Variants in KCNQ1 observed in about 807,000 individuals in gnomAD.
KCNQ1 encodes potassium voltage-gated channel subfamily Q member 1.
KCNQ1 carries 49 observed loss-of-function variants against 72.4 expected under a neutral mutation model. The observed-to-expected ratio is 0.68, with a 90% confidence interval of 0.54 to 0.86. The LOEUF is 0.86. Among genes scored for constraint, KCNQ1 ranks in the 40% least tolerant of loss-of-function variants. The probability of loss-of-function intolerance (pLI) is 0.00; values close to 1 mark genes in which losing one functional copy is unlikely to be tolerated. For missense variants in KCNQ1, 790 were observed against 945.1 expected (o/e 0.84, Z 2.15); for synonymous variants, 450 against 412.6 (o/e 1.09, Z -1.10).
rs561945284 is a variant in KCNQ1, at chr11:2,580,929, G to T, written c.922-2506G>T. ...GCTGAGAGGGGCCCTTCTGCAGAGCGGAGGCAGAGCCCGGAGTGGAGGGGT... is the reference window on the plus strand; with the variant it reads ...GCTGAGAGGGGCCCTTCTGCAGAGCTGAGGCAGAGCCCGGAGTGGAGGGGT... On this transcript the variant is annotated intron_variant, in intron 6 of 15. Transcript: ENST00000155840. Among the ~76,000 whole-genome samples the T allele has an allele frequency of 2.0e-5, 3 of 152,224 alleles. No homozygotes were observed. In the East Asian group the frequency reaches 5.8e-4, roughly 29 times the overall value.
intron 11 of KCNQ1, among the ~76,000 whole-genome samples, chr11:2,718,738 A>T (rs567354135): frequency 6.6e-6 from 1 of 152,180 alleles, no homozygotes; most frequent in Non-Finnish European, 1.5e-5. Flanking sequence ...TAAAAGGTTA[A>T]TGTCCACGCT....
At chr11:2,610,201 A>C (rs1182803335) in intron 10 of KCNQ1, 1 of 397,802 alleles carries the variant, frequency 2.5e-6, no homozygotes, top group Non-Finnish European at 4.4e-6. Flanking sequence ...TCTAGGGCTT[A>C]CCTTATGTAT....
In KCNQ1 at chr11:2,715,439, G is replaced by C. The variant is rs999110529; in HGVS notation, c.1514+53358G>C. Reference sequence around the variant, plus strand: ...TTGTTGGCCAGTGTGGGAATGGGGGGAGGCCAGGGAGGACCCCCTGCAGCC... The same window carrying C: ...TTGTTGGCCAGTGTGGGAATGGGGGCAGGCCAGGGAGGACCCCCTGCAGCC... On this transcript the variant is annotated intron_variant, in intron 11 of 15. Coordinates refer to ENST00000155840, the MANE Select transcript of KCNQ1 (RefSeq NM_000218.3). The surrounding 1 kb of genome is among the most constrained non-coding windows in gnomAD (Gnocchi z 4.9). Among the ~76,000 whole-genome samples, 1 of 152,098 alleles carries C rather than the reference G, an allele frequency of 6.6e-6. No individual in the cohort carries two copies. The highest frequency in any genetic ancestry group is 2.4e-5 in the African/African-American group (1 of 41,418).
chr11:2,678,919 G>A lies in KCNQ1; in HGVS notation c.1514+16838G>A. 2.5e-6 allele frequency: 1 copy of A among 398,476 alleles called. No homozygotes were observed. The highest frequency in any genetic ancestry group is 4.4e-6 in the Non-Finnish European group (1 of 226,066). The allele number at this position is 398,476 out of a possible 1,614,324, so 24.7% of individuals were successfully genotyped here. On this transcript the variant is annotated intron_variant, in intron 11 of 15. Coordinates refer to ENST00000155840, the MANE Select transcript of KCNQ1 (RefSeq NM_000218.3). This position sits in a 1 kb window ranked among gnomAD's most constrained non-coding sequence, Gnocchi z 4.9. Reference sequence around the variant, plus strand: ...TATACATGTATGATCATACTTTCAGGGCATCTTGGAAAAACTGAATTTGCT... The same window carrying A: ...TATACATGTATGATCATACTTTCAGAGCATCTTGGAAAAACTGAATTTGCT...
chr11:2,518,394 G>A (rs1847322671), intron 1 of KCNQ1, among the ~76,000 whole-genome samples: 1 of 152,322 alleles, frequency 6.6e-6, no homozygotes, highest in East Asian at 1.9e-4. Context: ...GAGGCGGGGG[G>A]ACCAGGGGAG....
At chr11:2,504,714 G>A (rs553220340) in intron 1 of KCNQ1, among the ~76,000 whole-genome samples, 8 of 152,266 alleles carry the variant, frequency 5.3e-5, no homozygotes, top group South Asian at 2.1e-4. Context: ...CTGAGATCGC[G>A]CCACTGCACT....
Position 2,678,742 on chromosome 11 carries a change from G to C in KCNQ1, c.1514+16661G>C. On this transcript the variant is annotated intron_variant, in intron 11 of 15. Transcript: ENST00000155840. The surrounding 1 kb of genome is among the most constrained non-coding windows in gnomAD (Gnocchi z 4.9). ...CAGGATTAGCTCTTGAGTTAGACAG[G>C]AAGCTGGGGTGTTTGGGACTGAGGC... 2.5e-6 allele frequency: 1 copy of C among 398,586 alleles called. No individual in the cohort carries two copies. Among genetic ancestry groups the C allele is most frequent in the Non-Finnish European group, 4.4e-6 (1 of 226,060 alleles). 24.7% of individuals were successfully genotyped at this position (398,586 alleles called of 1,614,324 possible).
At chr11:2,811,322 G>A (rs75295916) in intron 15 of KCNQ1, among the ~76,000 whole-genome samples, 132 of 152,346 alleles carry the variant, frequency 8.7e-4, no homozygotes, top group Middle Eastern at 3.4e-3. Flanking sequence ...CTCCTGGGGT[G>A]GGGAATCATC....
At chr11:2,581,075 TC>T (rs1416562014) in intron 6 of KCNQ1, among the ~76,000 whole-genome samples, 2 of 152,112 alleles carry the variant, frequency 1.3e-5, no homozygotes, top group African/African-American at 2.4e-5. Context: ...GGGGTGAGTG[TC>T]CCCCCAAAAA....
At chr11:2,697,661 T>G (rs1850701236) in intron 11 of KCNQ1, 3 of 398,504 alleles carry the variant, frequency 7.5e-6, no homozygotes, top group Non-Finnish European at 1.3e-5. Context: ...CCTCTTAATG[T>G]GAATTACATG....
chr11:2,458,603 A>T lies in KCNQ1; in HGVS notation c.386+13119A>T, dbSNP rs1215011042. ...GTAAAGGCCTTCGGACAGTGCACAG[A>T]AAGTGCTCCCATCCACAATGCTTCC... On this transcript the variant is annotated intron_variant, in intron 1 of 15. Transcript: ENST00000155840. The surrounding 1 kb of genome is among the most constrained non-coding windows in gnomAD (Gnocchi z 4.6). Among the ~76,000 whole-genome samples, 1 of 150,724 alleles carries T rather than the reference A, an allele frequency of 6.6e-6. No individual in the cohort carries two copies. Among genetic ancestry groups the T allele is most frequent in the Non-Finnish European group, 1.5e-5 (1 of 67,768 alleles).
intron 11 of KCNQ1, chr11:2,699,151 C>G (rs1284254515): frequency 2.5e-6 from 1 of 398,524 alleles, no homozygotes; most frequent in Non-Finnish European, 4.4e-6. Context: ...CAATTCAGCC[C>G]ACTCTGAACC....
chr11:2,831,627 G>C (rs234858), intron 15 of KCNQ1, among the ~76,000 whole-genome samples: 2,370 of 143,172 alleles, frequency 0.017, 65 homozygotes, highest in African/African-American at 0.058. Context: ...TCTCTCCCCC[G>C]CTTCCTTCCA....
chr11:2,719,268 A>G (rs1851161631), intron 11 of KCNQ1, among the ~76,000 whole-genome samples: 1 of 151,204 alleles, frequency 6.6e-6, no homozygotes, highest in African/African-American at 2.4e-5. Context: ...CTATAGTCCC[A>G]GCACTTTGGG....
rs922836881 is a variant in KCNQ1, at chr11:2,565,410, G to C, written c.478-5218G>C. Among the ~76,000 whole-genome samples, 3 of 152,174 alleles carry C rather than the reference G, an allele frequency of 2.0e-5. No individual in the cohort carries two copies. Among genetic ancestry groups the C allele is most frequent in the African/African-American group, 7.2e-5 (3 of 41,442 alleles). ...CTCTCCGTGTGCCTCTTGGCCATCTGTGTATCTTCTTCACAGAAATGACTG... is the reference window on the plus strand; with the variant it reads ...CTCTCCGTGTGCCTCTTGGCCATCTCTGTATCTTCTTCACAGAAATGACTG... On this transcript the variant is annotated intron_variant, in intron 2 of 15. Transcript: ENST00000155840. This position sits in a 1 kb window ranked among gnomAD's most constrained non-coding sequence, Gnocchi z 5.6.
At chr11:2,511,115 C>T (rs1368759997) in intron 1 of KCNQ1, among the ~76,000 whole-genome samples, 1 of 152,202 alleles carries the variant, frequency 6.6e-6, no homozygotes, top group Admixed American at 6.5e-5. Context: ...TGGAGCCCAG[C>T]GTGGTGCCAG....
In KCNQ1 at chr11:2,567,986, A is replaced by C. The variant is rs994689199; in HGVS notation, c.478-2642A>C. On this transcript the variant is annotated intron_variant, in intron 2 of 15. Coordinates refer to ENST00000155840, the MANE Select transcript of KCNQ1 (RefSeq NM_000218.3). The surrounding 1 kb of genome is among the most constrained non-coding windows in gnomAD (Gnocchi z 6.6). ...GTAATTTTAAAAGTGCATCAAAACAAGGTCAGGCGCGGTGGCTCACGCTTA... is the reference window on the plus strand; with the variant it reads ...GTAATTTTAAAAGTGCATCAAAACACGGTCAGGCGCGGTGGCTCACGCTTA... Among the ~76,000 whole-genome samples, 1 of 152,134 alleles carries C rather than the reference A, an allele frequency of 6.6e-6. No homozygotes were observed. The highest frequency in any genetic ancestry group is 1.5e-5 in the Non-Finnish European group (1 of 68,020).
chr11:2,606,556 T>C (rs1223656639), intron 10 of KCNQ1, among the ~76,000 whole-genome samples: 2 of 152,306 alleles, frequency 1.3e-5, no homozygotes, highest in East Asian at 1.9e-4. Context: ...TCGCCATGAT[T>C]GTAAGCTTCT....
Position 2,713,818 on chromosome 11 carries a change from G to A in KCNQ1, c.1514+51737G>A, listed in dbSNP as rs539303997. ...AGTTCATGGATTCAGAGGATATACC[G>A]TATTCTGGCCGTCTTACATTACTGC... On this transcript the variant is annotated intron_variant, in intron 11 of 15. Transcript: ENST00000155840. This position sits in a 1 kb window ranked among gnomAD's most constrained non-coding sequence, Gnocchi z 5.6. 2.0e-5 allele frequency among the ~76,000 whole-genome samples: 3 copies of A among 152,352 alleles called. No individual in the cohort carries two copies. Among genetic ancestry groups the A allele is most frequent in the African/African-American group, 7.2e-5 (3 of 41,578 alleles).
Sources: allele counts gnomAD v4.1 joint callset (sites outside exome capture counted in the v4.1 genomes callset), GRCh38; gene constraint gnomAD v4.1.1; non-coding constraint Gnocchi (gnomAD v3.1); transcripts MANE v1.5; gene names NCBI Gene and HGNC (gene_info 2026-07-23, HGNC 2026-07-21).